The following BBS9 variants were observed in gnomAD, a reference collection of about 807,000 sequenced individuals.
The protein encoded by BBS9 is Bardet-Biedl syndrome 9.
In BBS9, 89 loss-of-function variants were observed where a neutral mutation model predicts 117.7. That is an observed-to-expected ratio of 0.76 (90% CI 0.64 to 0.90). BBS9 has a LOEUF of 0.90. Ranked by LOEUF, BBS9 falls within the 40% of genes least tolerant of loss-of-function variation. The pLI is 0.00. For missense variants in BBS9, 982 were observed against 1,042.2 expected (o/e 0.94, Z 0.80); for synonymous variants, 379 against 370.9 (o/e 1.02, Z -0.25).
chr7:33,430,147 G>A (rs1221590470), intron 19 of BBS9, among the ~76,000 whole-genome samples: 2 of 152,174 alleles, frequency 1.3e-5, no homozygotes, highest in Admixed American at 6.5e-5. Context: ...CAGATGTGTA[G>A]CAATTAAAAA....
At chr7:33,362,283 C>A (rs889454502) in intron 16 of BBS9, among the ~76,000 whole-genome samples, 1 of 152,088 alleles carries the variant, frequency 6.6e-6, no homozygotes, top group Non-Finnish European at 1.5e-5. Flanking sequence ...TAAACCCCCC[C>A]GTTTATCAAT....
At chr7:33,545,822 C>T (rs896057803) in intron 21 of BBS9, among the ~76,000 whole-genome samples, 10 of 150,650 alleles carry the variant, frequency 6.6e-5, no homozygotes, top group East Asian at 3.9e-4. Context: ...ACACTCACTA[C>T]GTATGTGTTT....
chr7:33,625,797 A>G (rs1266271076), intron 21 of BBS9, among the ~76,000 whole-genome samples: 1 of 152,220 alleles, frequency 6.6e-6, no homozygotes, highest in African/African-American at 2.4e-5. Flanking sequence ...TTACTTAGCC[A>G]CAGTTAAGGA....
At chr7:33,564,148 G>T (rs1359521835) in intron 21 of BBS9, among the ~76,000 whole-genome samples, 1 of 152,116 alleles carries the variant, frequency 6.6e-6, no homozygotes, top group Non-Finnish European at 1.5e-5. Context: ...TGGAGAGAGA[G>T]GAGAGATATC....
intron 19 of BBS9, among the ~76,000 whole-genome samples, chr7:33,473,596 A>T (rs775230647): frequency 2.0e-5 from 3 of 152,210 alleles, no homozygotes; most frequent in Non-Finnish European, 4.4e-5. Flanking sequence ...TGCTGCTGGG[A>T]TTACAGGCTT....
intron 19 of BBS9, among the ~76,000 whole-genome samples, chr7:33,467,318 G>A (rs1045192768): frequency 2.0e-5 from 3 of 152,008 alleles, no homozygotes; most frequent in Non-Finnish European, 4.4e-5. Flanking sequence ...CTATATCCTT[G>A]TTTGTTTATA....
chr7:33,487,523 G>A (rs1471828269), intron 19 of BBS9, among the ~76,000 whole-genome samples: 1 of 152,180 alleles, frequency 6.6e-6, no homozygotes, highest in Non-Finnish European at 1.5e-5. Context: ...AGAAACAGGA[G>A]GATTGTCTAG....
chr7:33,420,171 C>G (rs890325553), intron 19 of BBS9, among the ~76,000 whole-genome samples: 2 of 152,076 alleles, frequency 1.3e-5, no homozygotes, highest in Non-Finnish European at 2.9e-5. Context: ...GGTTTTCAAC[C>G]CTGACTACCT....
chr7:33,264,871 G>T (rs1300345895), intron 7 of BBS9, among the ~76,000 whole-genome samples: 1 of 151,920 alleles, frequency 6.6e-6, no homozygotes, highest in Non-Finnish European at 1.5e-5. Flanking sequence ...AAATGTTTTG[G>T]CCATTAATTC....
chr7:33,307,985 G>A (rs1337766186), intron 9 of BBS9, among the ~76,000 whole-genome samples: 2 of 152,182 alleles, frequency 1.3e-5, no homozygotes. Context: ...TCTCCAAAGT[G>A]GCCTAAGTCG....
intron 5 of BBS9, among the ~76,000 whole-genome samples, chr7:33,242,297 T>G (rs942411964): frequency 8.5e-5 from 13 of 152,096 alleles, no homozygotes; most frequent in African/African-American, 2.7e-4. Flanking sequence ...CAAGTTCTCC[T>G]TACAGTAGAG....
chr7:33,346,207 A>G (rs1817553123), intron 12 of BBS9: 2 of 466,668 alleles, frequency 4.3e-6, no homozygotes, highest in Non-Finnish European at 8.9e-6. Context: ...ATCTCTCCTT[A>G]TGACCTTTTA....
rs1865313608 is a variant in BBS9, at chr7:33,619,721, T to A, written c.2522-15456T>A. On this transcript the variant is annotated intron_variant, in intron 21 of 21. Transcript: ENST00000671952. ...AAAATTGGAAAATTCACAAATATGTTGAAATTAAACAAAATACTCCTGAAT... is the reference window on the plus strand; with the variant it reads ...AAAATTGGAAAATTCACAAATATGTAGAAATTAAACAAAATACTCCTGAAT... 4.6e-5 allele frequency among the ~76,000 whole-genome samples: 7 copies of A among 151,980 alleles called. No individual in the cohort carries two copies. In the South Asian group the frequency reaches 1.5e-3, roughly 32 times the overall value.
chr7:33,622,170 A>T (rs942846838), intron 21 of BBS9, among the ~76,000 whole-genome samples: 1 of 152,184 alleles, frequency 6.6e-6, no homozygotes, highest in Non-Finnish European at 1.5e-5. Flanking sequence ...AGATAGCGCC[A>T]TTGCACTCCA....
chr7:33,584,062 G>A (rs965216600), intron 21 of BBS9, among the ~76,000 whole-genome samples: 1 of 151,866 alleles, frequency 6.6e-6, no homozygotes, highest in Non-Finnish European at 1.5e-5. Context: ...TCCTGGCAGA[G>A]GATATAATTT....
At chr7:33,315,629 AG>A (rs901177151) in intron 9 of BBS9, among the ~76,000 whole-genome samples, 4 of 152,130 alleles carry the variant, frequency 2.6e-5, no homozygotes, top group Admixed American at 1.3e-4. Flanking sequence ...GATGAAGGGG[AG>A]GGTTAAATAG....
Position 33,357,957 on chromosome 7 carries a change from C to A in BBS9, c.1655C>A (p.Thr552Asn), listed in dbSNP as rs1225218086. The A allele has an allele frequency of 6.2e-7, 1 of 1,612,442 alleles. No individual in the cohort carries two copies. Among genetic ancestry groups the A allele is most frequent in the South Asian group, 1.1e-5 (1 of 91,044 alleles). The change falls in exon 16 of 23, where the codon ACC becomes AAC. Residue 552 changes from threonine (T) to asparagine (N), a missense_variant. Thr to Asn is a moderately conservative substitution (Grantham distance 65). Coordinates refer to ENST00000242067, the MANE Select transcript of BBS9 (RefSeq NM_198428.3). ...KTASHKITID[T>N]NKSPVSLLSL... ...GCAAGCCACAAAATTACTATTGATA[C>A]CAACAAATCTCCAGTCAGTCTTCTT...
At chr7:33,419,919 G>A (rs6965729) in intron 19 of BBS9, among the ~76,000 whole-genome samples, 23,539 of 152,084 alleles carry the variant, frequency 0.15, 2,284 homozygotes, top group South Asian at 0.21. Flanking sequence ...AAAATTGGTG[G>A]TGGTGGGGGC....
chr7:33,597,200 A>T (rs978563605), intron 21 of BBS9, among the ~76,000 whole-genome samples: 5 of 152,066 alleles, frequency 3.3e-5, no homozygotes, highest in African/African-American at 7.2e-5. Context: ...TTCTTTTCAA[A>T]GGACCCATTC....
Sources: gnomAD v4.1 joint callset for allele counts (sites outside exome capture counted in the v4.1 genomes callset) on GRCh38, gnomAD v4.1.1 for gene constraint, MANE v1.5 for transcripts, NCBI Gene and HGNC (gene_info 2026-07-23, HGNC 2026-07-21) for gene names.